Variants in ZNF254 observed in about 807,000 individuals in gnomAD.
ZNF254 encodes zinc finger protein 254.
ZNF254 carries 10 observed loss-of-function variants against 12.4 expected under a neutral mutation model. That is an observed-to-expected ratio of 0.80 (90% CI 0.50 to 1.36). The LOEUF is 1.36. Among genes scored for constraint, ZNF254 ranks in the 40% most tolerant of loss-of-function variants. ZNF254 has a pLI of 0.00. For synonymous variants in ZNF254, 305 were observed against 253.4 expected, an observed-to-expected ratio of 1.20 and a Z score of -1.93; for missense variants, 996 against 763.9, an observed-to-expected ratio of 1.30 and a Z score of -3.58.
intron 2 of ZNF254, among the ~76,000 whole-genome samples, chr19:24,081,835 T>A (rs1242309813): frequency 6.6e-6 from 1 of 152,120 alleles, no homozygotes; most frequent in African/African-American, 2.4e-5. Context: ...CTAAAAGAAA[T>A]AATTCCGATG....
intron 1 of ZNF254, among the ~76,000 whole-genome samples, chr19:24,039,204 A>G (rs1266386957): frequency 6.6e-6 from 1 of 152,230 alleles, no homozygotes; most frequent in Non-Finnish European, 1.5e-5. Context: ...GGGATTAACA[A>G]GACAGGGCCA....
intron 3 of ZNF254, among the ~76,000 whole-genome samples, chr19:24,116,706 A>G (rs1974102844): frequency 6.6e-6 from 1 of 152,148 alleles, no homozygotes; most frequent in South Asian, 2.1e-4. Context: ...CGTCAAAGTC[A>G]TTCTCCACCC....
At chr19:24,054,011 G>T (rs536470194) in intron 2 of ZNF254, among the ~76,000 whole-genome samples, 1 of 152,284 alleles carries the variant, frequency 6.6e-6, no homozygotes, top group South Asian at 2.1e-4. Context: ...GACCTAAAAG[G>T]TGACACTTCT....
chr19:24,118,057 CTT>C (rs1383003980), intron 3 of ZNF254, among the ~76,000 whole-genome samples: 8 of 141,952 alleles, frequency 5.6e-5, no homozygotes, highest in Admixed American at 1.4e-4. Context: ...TTTTTCTTTT[CTT>C]TTTTTTTTTT....
intron 1 of ZNF254, among the ~76,000 whole-genome samples, chr19:24,100,916 C>A (rs1023851925): frequency 1.3e-5 from 2 of 151,944 alleles, no homozygotes; most frequent in Non-Finnish European, 2.9e-5. Flanking sequence ...CAACCTCCGC[C>A]TCCCAAGTTC....
chr19:24,073,122 A>G (rs1031881272), intron 2 of ZNF254, among the ~76,000 whole-genome samples: 5 of 152,244 alleles, frequency 3.3e-5, no homozygotes, highest in Non-Finnish European at 5.9e-5. Context: ...AGAGAGTGTC[A>G]TCACAAGACC....
intron 2 of ZNF254, among the ~76,000 whole-genome samples, chr19:24,048,684 G>T (rs1197252628): frequency 6.7e-6 from 1 of 149,246 alleles, no homozygotes; most frequent in African/African-American, 2.4e-5. Flanking sequence ...AGTTTTGTTG[G>T]TTTTTGTTTT....
intron 1 of ZNF254, among the ~76,000 whole-genome samples, chr19:24,042,115 A>C (rs1294534214): frequency 9.9e-5 from 14 of 141,310 alleles, no homozygotes; most frequent in Non-Finnish European, 3.2e-5. Context: ...TAAACACACC[A>C]ATCAGCACCC....
intron 1 of ZNF254, among the ~76,000 whole-genome samples, chr19:24,045,259 C>G (rs934988796): frequency 6.6e-6 from 1 of 152,160 alleles, no homozygotes; most frequent in African/African-American, 2.4e-5. Flanking sequence ...GCACCTGGAA[C>G]TGTTCATTTT....
At chr19:24,081,475 T>A (rs1190107064) in intron 2 of ZNF254, among the ~76,000 whole-genome samples, 1 of 152,198 alleles carries the variant, frequency 6.6e-6, no homozygotes, top group Non-Finnish European at 1.5e-5. Context: ...GAGGTGCTAA[T>A]CAATAAAAAA....
In ZNF254 at chr19:24,087,327, G is replaced by T. The variant is rs145474972; in HGVS notation, c.20G>T (p.Ser7Ile). The T allele has an allele frequency of 1.6e-4, 257 of 1,613,712 alleles. 2 individuals are homozygous for T. In the East Asian group the frequency reaches 5.7e-3, roughly 36 times the overall value. The part of the protein sequence containing the change: MPGPPR[S>I]LEMGLLTFRD... ...GCTAAGATGCCAGGACCCCCTAGAA[G>T]CCTAGAAATGGTGAGAATGCCAGTC... Residue 7 changes from serine to isoleucine, a missense_variant, in exon 1 of 4, where the codon AGC (serine) becomes ATC (isoleucine). Coordinates refer to ENST00000357002, the MANE Select transcript of ZNF254 (RefSeq NM_203282.4).
chr19:24,127,858 C>G lies in ZNF254; in HGVS notation c.1858C>G (p.His620Asp). ...AFFWSSTLTK[H>D]KRIHTGEQPY... ...TTTCTGGTCCTCAACCCTAACTAAA[C>G]ATAAGAGAATTCATACTGGAGAGCA... The change falls in exon 4 of 4, where the codon CAT becomes GAT. Residue 620 changes from histidine (H) to aspartate (D), a missense_variant. Coordinates refer to ENST00000357002, the MANE Select transcript of ZNF254 (RefSeq NM_203282.4). The G allele has an allele frequency of 1.9e-6, 3 of 1,613,356 alleles. No homozygotes were observed. The highest frequency in any genetic ancestry group is 2.5e-6 in the Non-Finnish European group (3 of 1,179,716).
intron 3 of ZNF254, among the ~76,000 whole-genome samples, chr19:24,117,283 C>T (rs1009279662): frequency 6.6e-6 from 1 of 152,172 alleles, no homozygotes; most frequent in South Asian, 2.1e-4. Context: ...TTTGTCTGTG[C>T]CCTGCCCCCA....
chr19:24,039,982 A>T (rs1411756896), intron 1 of ZNF254, among the ~76,000 whole-genome samples: 1 of 152,236 alleles, frequency 6.6e-6, no homozygotes, highest in African/African-American at 2.4e-5. Context: ...CATGCAAAAT[A>T]GAGAAGAGGC....
intron 2 of ZNF254, among the ~76,000 whole-genome samples, chr19:24,070,256 A>T (rs181875515): frequency 3.3e-5 from 5 of 152,358 alleles, no homozygotes; most frequent in Admixed American, 3.3e-4. Context: ...ACTCACATGC[A>T]TATTGCATAA....
chr19:24,069,985 C>A (rs972518561), intron 2 of ZNF254, among the ~76,000 whole-genome samples: 1 of 152,156 alleles, frequency 6.6e-6, no homozygotes, highest in Non-Finnish European at 1.5e-5. Flanking sequence ...CAAAATAGAG[C>A]CCACTGGTGA....
intron 1 of ZNF254, among the ~76,000 whole-genome samples, chr19:24,041,899 G>T (rs1970181185): frequency 1.3e-5 from 2 of 152,026 alleles, no homozygotes; most frequent in African/African-American, 4.8e-5. Context: ...GTATCTAGCT[G>T]CTCTGGTGAG....
At chr19:24,125,820 G>A (rs1004102699) in intron 3 of ZNF254, among the ~76,000 whole-genome samples, 1 of 152,112 alleles carries the variant, frequency 6.6e-6, no homozygotes, top group African/African-American at 2.4e-5. Flanking sequence ...TTTATGTCAT[G>A]AGAGACAGAA....
intron 2 of ZNF254, chr19:24,049,256 G>C (rs1159727157): frequency 8.3e-6 from 1 of 120,290 alleles, no homozygotes; most frequent in African/African-American, 3.5e-5. Flanking sequence ...TTTTAATATA[G>C]GGGTTGTCTC....
Sources: gnomAD v4.1 joint callset for allele counts (sites outside exome capture counted in the v4.1 genomes callset) on GRCh38, gnomAD v4.1.1 for gene constraint, MANE v1.5 for transcripts, NCBI Gene and HGNC (gene_info 2026-07-23, HGNC 2026-07-21) for gene names.